STXBP3: variants seen among roughly 807,000 people sequenced by gnomAD.
The protein encoded by STXBP3 is syntaxin binding protein 3.
STXBP3 carries 41 observed loss-of-function variants against 85.7 expected under a neutral mutation model. That is an observed-to-expected ratio of 0.48 (90% CI 0.37 to 0.62). The LOEUF (loss-of-function observed/expected upper bound fraction) is 0.62. STXBP3 is among the 20% of genes least tolerant of loss of function. The pLI, the probability that STXBP3 is intolerant of heterozygous loss-of-function variation, is 0.00. For missense variants in STXBP3, 563 were observed against 703.1 expected (o/e 0.80, Z 2.25); for synonymous variants, 229 against 231.7 (o/e 0.99, Z 0.10).
intron 6 of STXBP3, among the ~76,000 whole-genome samples, chr1:108,770,707 TATC>T (rs1415899855): frequency 2.6e-5 from 4 of 152,180 alleles, no homozygotes; most frequent in African/African-American, 9.7e-5. Flanking sequence ...TAAGAGAAAT[TATC>T]ATTGTTTAGA....
intron 1 of STXBP3, among the ~76,000 whole-genome samples, chr1:108,747,021 C>A (rs754559127): frequency 1.3e-5 from 2 of 151,848 alleles, no homozygotes; most frequent in African/African-American, 2.4e-5. Context: ...GGCACCCCCT[C>A]GCCTCGGCCG....
intron 1 of STXBP3, 124 bp downstream of exon 1, chr1:108,746,910 C>T (rs1017259013): frequency 1.0e-5 from 10 of 955,526 alleles, no homozygotes; most frequent in Non-Finnish European, 1.6e-5. Flanking sequence ...TGCTTTGGGA[C>T]CTGTGTGAGG....
chr1:108,755,134 A>G (rs1661990994), intron 3 of STXBP3, among the ~76,000 whole-genome samples: 1 of 152,122 alleles, frequency 6.6e-6, no homozygotes, highest in African/African-American at 2.4e-5. Context: ...GAATAAAGTC[A>G]AGTATAAAAC....
In STXBP3 at chr1:108,772,464, T is replaced by C. The variant is rs548411002; in HGVS notation, c.439-201T>C. On this transcript the variant is annotated intron_variant, in intron 6 of 18. Coordinates refer to ENST00000370008, the MANE Select transcript of STXBP3 (RefSeq NM_007269.4). ...TATCTGTATAATATATAAATACATA[T>C]ATCTATCTGTATAATATATAAATAC... is the stretch of plus-strand genomic sequence containing the variant. 4.8e-5 allele frequency among the ~76,000 whole-genome samples: 7 copies of C among 144,614 alleles called. No individual in the cohort carries two copies. The South Asian group carries it at 1.5e-3, about 31-fold the overall frequency. The allele number at this position is 144,614 out of a possible 152,430, so 94.9% of individuals were successfully genotyped here.
At chr1:108,756,887 T>C (rs932950174) in intron 4 of STXBP3, 121 bp downstream of exon 4, 4 of 620,196 alleles carry the variant, frequency 6.4e-6, no homozygotes, top group Admixed American at 4.0e-5. Context: ...CATAAACTAG[T>C]TTGCTTAGGA....
intron 17 of STXBP3, 116 bp from the exon 18 acceptor site, chr1:108,807,285 A>G (rs1233907913): frequency 4.8e-6 from 5 of 1,045,836 alleles, no homozygotes; most frequent in African/African-American, 1.7e-5. Flanking sequence ...AAAAAAATCA[A>G]TGTAATTGGT....
chr1:108,795,086 A>G (rs1406128227), intron 13 of STXBP3, among the ~76,000 whole-genome samples, 179 bp downstream of exon 13: 1 of 152,208 alleles, frequency 6.6e-6, no homozygotes, highest in Non-Finnish European at 1.5e-5. Flanking sequence ...ATTAACAAGT[A>G]GCTGTAGAGT....
At chr1:108,805,626 T>C (rs183084313) in intron 17 of STXBP3, among the ~76,000 whole-genome samples, 1 of 152,214 alleles carries the variant, frequency 6.6e-6, no homozygotes, top group South Asian at 2.1e-4. Context: ...GGTTTCACCA[T>C]GTTGGCCAGA....
At position 108,792,427 on chromosome 1, in the gene STXBP3, T is replaced by C. The variant is rs190155904; in HGVS notation, c.964-1155T>C. 5.3e-4 allele frequency among the ~76,000 whole-genome samples: 81 copies of C among 152,334 alleles called. No homozygotes were observed. In the South Asian group the frequency reaches 7.1e-3, roughly 13 times the overall value. On this transcript the variant is annotated intron_variant, in intron 11 of 18. Transcript: ENST00000370008. ...CATATTTATGAGGCATGTAATATGT[T>C]TATACGTGCATACAGTGTGTAATGA...
At chr1:108,750,979 A>G (rs530781702) in intron 1 of STXBP3, among the ~76,000 whole-genome samples, 3 of 152,230 alleles carry the variant, frequency 2.0e-5, no homozygotes, top group Non-Finnish European at 4.4e-5. Flanking sequence ...TTCTATCCAC[A>G]TGGAGTTGGG....
chr1:108,753,156 T>G lies in STXBP3; in HGVS notation c.181+12T>G. ...AGAAGGTATTACTGGTAAGTGTTAT[T>G]CTTGGCATGAACACTTTTTAATTGT... On this transcript the variant is annotated intron_variant, in intron 3 of 18. Transcript: ENST00000370008. 6.5e-7 allele frequency: 1 copy of G among 1,539,878 alleles called. No homozygotes were observed. The highest frequency in any genetic ancestry group is 8.7e-7 in the Non-Finnish European group (1 of 1,144,498).
intron 16 of STXBP3, among the ~76,000 whole-genome samples, 160 bp downstream of exon 16, chr1:108,798,397 ATTC>A (rs1241763714): frequency 7.7e-4 from 103 of 132,984 alleles, no homozygotes; most frequent in Non-Finnish European, 1.1e-3. Context: ...ACTCTTGAAG[ATTC>A]TTCTTCTTTT....
At chr1:108,790,517 C>T (rs1316151459) in intron 11 of STXBP3, among the ~76,000 whole-genome samples, 2 of 151,604 alleles carry the variant, frequency 1.3e-5, no homozygotes, top group African/African-American at 2.4e-5. Flanking sequence ...TTTTTTTATC[C>T]AGCCCAAAAA....
At chr1:108,776,305 ATTGT>A (rs898254754) in intron 7 of STXBP3, 24 bp from the exon 8 acceptor site, 15 of 1,505,820 alleles carry the variant, frequency 1.0e-5, no homozygotes, top group East Asian at 2.3e-5. Flanking sequence ...AAGAAAGATA[ATTGT>A]TTGATCCTTT....
chr1:108,798,207 G>A lies in STXBP3; in HGVS notation c.1419G>A (p.Arg473=), dbSNP rs769379215. The A allele has an allele frequency of 6.2e-7, 1 of 1,612,616 alleles. No individual in the cohort carries two copies. The highest frequency in any genetic ancestry group is 1.1e-5 in the South Asian group (1 of 90,976). The change falls in exon 16 of 19, where the codon CGG becomes CGA. Residue 473 remains arginine, a synonymous_variant. Coordinates refer to ENST00000370008, the MANE Select transcript of STXBP3 (RefSeq NM_007269.4). The part of the protein sequence containing the change: ...RSAEETFQLS[R]WTPFIKDIME... Reference sequence around the variant, plus strand: ...CAGAAGAAACTTTTCAGCTCTCTCGGTGGACACCTTTTATCAAAGATATTA... The same window carrying A: ...CAGAAGAAACTTTTCAGCTCTCTCGATGGACACCTTTTATCAAAGATATTA...
At chr1:108,784,852 C>T (rs1436374923) in intron 11 of STXBP3, among the ~76,000 whole-genome samples, 1 of 152,146 alleles carries the variant, frequency 6.6e-6, no homozygotes, top group African/African-American at 2.4e-5. Flanking sequence ...GCTTACAGGC[C>T]CCATGCAGGT....
At chr1:108,752,386 ACATGG>A in intron 2 of STXBP3, 80 bp downstream of exon 2, 1 of 1,331,714 alleles carries the variant, frequency 7.5e-7, no homozygotes, top group Non-Finnish European at 1.1e-6. Flanking sequence ...CATAGTATTT[ACATGG>A]TATTAGGTAT....
chr1:108,775,497 G>A (rs1473103848), intron 7 of STXBP3, among the ~76,000 whole-genome samples: 1 of 151,620 alleles, frequency 6.6e-6, no homozygotes, highest in African/African-American at 2.4e-5. Flanking sequence ...TCAAATACTA[G>A]ATCTTACTCA....
chr1:108,794,053 T>C (rs1034770611), intron 12 of STXBP3, among the ~76,000 whole-genome samples: 5 of 152,204 alleles, frequency 3.3e-5, no homozygotes, highest in Non-Finnish European at 7.3e-5. Context: ...AAAAACACTA[T>C]CAGAATAATC....
Sources: allele counts gnomAD v4.1 joint callset (sites outside exome capture counted in the v4.1 genomes callset), GRCh38; gene constraint gnomAD v4.1.1; transcripts MANE v1.5; gene names NCBI Gene and HGNC (gene_info 2026-07-23, HGNC 2026-07-21).